UBE2D2: variants seen among roughly 807,000 people sequenced by gnomAD.
UBE2D2 encodes ubiquitin conjugating enzyme E2 D2, also known as ubiquitin-conjugating enzyme E2 D2.
In UBE2D2, 2 loss-of-function variants were observed where a neutral mutation model predicts 24.2. The ratio of observed to expected loss-of-function variants is 0.08; its 90% CI spans 0.03 to 0.26. UBE2D2 has a LOEUF of 0.26. UBE2D2 is among the 10% of genes least tolerant of loss of function. The pLI is 1.00. For synonymous variants in UBE2D2, 58 were observed against 56.5 expected, an observed-to-expected ratio of 1.03 and a Z score of -0.12; for missense variants, 44 against 177.6, an observed-to-expected ratio of 0.25 and a Z score of 4.28.
At chr5:139,607,728 A>G (rs1351726790) in intron 2 of UBE2D2, among the ~76,000 whole-genome samples, 7 of 152,184 alleles carry the variant, frequency 4.6e-5, no homozygotes, top group Non-Finnish European at 1.0e-4. Flanking sequence ...AATGTTCGGC[A>G]TGGTACAGTG....
intron 5 of UBE2D2, among the ~76,000 whole-genome samples, chr5:139,618,477 G>C (rs997488243): frequency 5.3e-5 from 8 of 152,174 alleles, no homozygotes; most frequent in Non-Finnish European, 1.0e-4. Context: ...GAAAGTGTTT[G>C]TGGACCTGTG....
At chr5:139,558,530 C>T (rs1274176366), upstream of UBE2D2, among the ~76,000 whole-genome samples, 1 of 152,166 alleles carries the variant, frequency 6.6e-6, no homozygotes, top group Non-Finnish European at 1.5e-5. Context: ...CCTCGTGATC[C>T]GCCCGCCTCG....
At chr5:139,587,397 G>A (rs1471573660) in intron 1 of UBE2D2, among the ~76,000 whole-genome samples, 1 of 152,106 alleles carries the variant, frequency 6.6e-6, no homozygotes, top group Non-Finnish European at 1.5e-5. Context: ...TAACAAACAT[G>A]GATGAGGCCG....
intron 1 of UBE2D2, among the ~76,000 whole-genome samples, chr5:139,573,321 A>G (rs1011066742): frequency 4.6e-5 from 7 of 152,058 alleles, no homozygotes; most frequent in East Asian, 1.9e-4. Context: ...AAGAAAAAAA[A>G]AAAAGTACTA....
chr5:139,562,073 T>G, intron 1 of UBE2D2: 1 of 865,932 alleles, frequency 1.2e-6, no homozygotes, highest in East Asian at 2.7e-5. Flanking sequence ...TGGTGTGGAC[T>G]CTTAGGGCTT....
chr5:139,608,764 AC>A (rs1166260845), intron 2 of UBE2D2, among the ~76,000 whole-genome samples: 1 of 152,168 alleles, frequency 6.6e-6, no homozygotes, highest in Non-Finnish European at 1.5e-5. Context: ...ACAGGGAATC[AC>A]AAAAAAGGAA....
intron 1 of UBE2D2, among the ~76,000 whole-genome samples, chr5:139,527,745 A>G (rs1274373826): frequency 6.6e-6 from 1 of 152,222 alleles, no homozygotes; most frequent in Non-Finnish European, 1.5e-5. Context: ...TCATAAAAGA[A>G]AAAATTTTAT....
At chr5:139,602,054 G>GT (rs1247394019) in intron 2 of UBE2D2, among the ~76,000 whole-genome samples, 1 of 151,990 alleles carries the variant, frequency 6.6e-6, no homozygotes, top group Non-Finnish European at 1.5e-5. Flanking sequence ...TTTTTTGTTT[G>GT]TTTGTTTTGT....
chr5:139,590,581 A>G (rs528156891), intron 1 of UBE2D2, among the ~76,000 whole-genome samples: 54 of 152,170 alleles, frequency 3.5e-4, no homozygotes, highest in African/African-American at 1.3e-3. Flanking sequence ...AAAAGTTTAA[A>G]AACATGTAAA....
chr5:139,542,746 T>C (rs1318554346), intron 1 of UBE2D2, among the ~76,000 whole-genome samples: 4 of 152,268 alleles, frequency 2.6e-5, no homozygotes, highest in East Asian at 1.9e-4. Context: ...GGGATAAACA[T>C]AATAAATATC....
intron 1 of UBE2D2, among the ~76,000 whole-genome samples, chr5:139,597,014 C>G (rs1441159533): frequency 6.6e-6 from 1 of 151,458 alleles, no homozygotes; most frequent in Non-Finnish European, 1.5e-5. Context: ...GCCACTGCAT[C>G]CAGCCTGAGC....
At chr5:139,567,675 A>C (rs1753260467) in intron 1 of UBE2D2, among the ~76,000 whole-genome samples, 1 of 151,488 alleles carries the variant, frequency 6.6e-6, no homozygotes, top group Non-Finnish European at 1.5e-5. Flanking sequence ...CTGGGACTAC[A>C]GGCATGCACC....
At position 139,561,759 on chromosome 5, in the gene UBE2D2, C is replaced by G; in HGVS notation, c.-33C>G. 2 of 1,486,494 alleles carry G rather than the reference C, an allele frequency of 1.3e-6. No homozygotes were observed. The highest frequency in any genetic ancestry group is 1.8e-6 in the Non-Finnish European group (2 of 1,123,960). The allele number at this position is 1,486,494 out of a possible 1,614,324, so 92.1% of individuals were successfully genotyped here. A position where few individuals can be genotyped will look rare whatever the true frequency, so the allele number is the denominator to read the frequency against. On this transcript the variant is annotated 5_prime_UTR_variant, in exon 1 of 7. Transcript: ENST00000398733. ...CCCGTCCCTTCCCCGCCCCCGTCCC[C>G]GCCCCGGGGGCCGCCGCCACCCGCC...
At chr5:139,549,329 C>A (rs577216057) in intron 1 of UBE2D2, among the ~76,000 whole-genome samples, 3 of 152,102 alleles carry the variant, frequency 2.0e-5, no homozygotes, top group Non-Finnish European at 2.9e-5. Flanking sequence ...CCTCTGCTTG[C>A]GGGGAGGTGT....
At chr5:139,576,724 C>T (rs758609565) in intron 1 of UBE2D2, among the ~76,000 whole-genome samples, 8 of 151,980 alleles carry the variant, frequency 5.3e-5, no homozygotes, top group Non-Finnish European at 1.2e-4. Context: ...ATCTCGGGTG[C>T]TTTCATTGTC....
intron 1 of UBE2D2, among the ~76,000 whole-genome samples, chr5:139,593,363 C>T (rs1356251775): frequency 6.6e-6 from 1 of 152,086 alleles, no homozygotes; most frequent in Non-Finnish European, 1.5e-5. Context: ...CATGGTACAG[C>T]AGAACACTCA....
At chr5:139,561,093 C>T (rs1561502191), upstream of UBE2D2, 1 of 152,718 alleles carries the variant, frequency 6.5e-6, no homozygotes, top group East Asian at 1.9e-4. Flanking sequence ...TTTCCATCAG[C>T]AATGAAGTCA....
chr5:139,593,535 A>C (rs918038272), intron 1 of UBE2D2, among the ~76,000 whole-genome samples: 2 of 152,184 alleles, frequency 1.3e-5, no homozygotes, highest in African/African-American at 4.8e-5. Flanking sequence ...TGTTATATAT[A>C]CATTGTTATA....
chr5:139,571,449 TTAGAG>T (rs993802288), intron 1 of UBE2D2, among the ~76,000 whole-genome samples: 4 of 151,938 alleles, frequency 2.6e-5, no homozygotes, highest in Admixed American at 6.6e-5. Flanking sequence ...GCTATCCACT[TTAGAG>T]TACTCACTGT....
Sources: gnomAD v4.1 joint callset for allele counts (sites outside exome capture counted in the v4.1 genomes callset) on GRCh38, gnomAD v4.1.1 for gene constraint, MANE v1.5 for transcripts, NCBI Gene and HGNC (gene_info 2026-07-23, HGNC 2026-07-21) for gene names.